The following SHTN1 variants were observed in gnomAD, a reference collection of about 807,000 sequenced individuals.
SHTN1 encodes shootin 1.
SHTN1 carries 42 observed loss-of-function variants against 83.1 expected under a neutral mutation model. The observed-to-expected ratio is 0.51, with a 90% confidence interval of 0.39 to 0.65. SHTN1 has a LOEUF of 0.65. Ranked by LOEUF, SHTN1 falls within the 30% of genes least tolerant of loss-of-function variation. The pLI is 0.00. For synonymous variants in SHTN1, 224 were observed against 247.7 expected (o/e 0.90, Z 0.90); for missense variants, 622 against 737.8 (o/e 0.84, Z 1.82).
At chr10:116,945,093 T>C in intron 7 of SHTN1, 75 bp from the exon 8 acceptor site, 1 of 936,434 alleles carries the variant, frequency 1.1e-6, no homozygotes, top group Admixed American at 2.1e-5. Context: ...TGAAAAACAG[T>C]GTTGAAAAGA....
chr10:116,950,091 G>C (rs191364163), intron 6 of SHTN1, among the ~76,000 whole-genome samples: 28 of 152,274 alleles, frequency 1.8e-4, no homozygotes, highest in Middle Eastern at 3.4e-3. Context: ...CAACCAGAAA[G>C]AGTTACACCA....
upstream of SHTN1, chr10:117,005,379 C>G: frequency 1.7e-6 from 2 of 1,187,954 alleles, no homozygotes; most frequent in African/African-American, 3.3e-5. Flanking sequence ...GCTGCCGGCG[C>G]GGCAGGACGC....
At chr10:117,024,214 AAC>A (rs1852298606) in intron 2 of SHTN1, among the ~76,000 whole-genome samples, 1 of 152,170 alleles carries the variant, frequency 6.6e-6, no homozygotes, top group Non-Finnish European at 1.5e-5. Context: ...AGCATTTCTG[AAC>A]AGAGTTGCCT....
chr10:116,891,642 G>T (rs1343921562), intron 16 of SHTN1, among the ~76,000 whole-genome samples: 1 of 152,106 alleles, frequency 6.6e-6, no homozygotes, highest in African/African-American at 2.4e-5. Context: ...TACAGTTACT[G>T]CAGTGAACAG....
intron 6 of SHTN1, among the ~76,000 whole-genome samples, chr10:116,949,421 T>C (rs1245183304): frequency 1.3e-5 from 2 of 152,110 alleles, no homozygotes; most frequent in Non-Finnish European, 2.9e-5. Context: ...TGAGCCACCA[T>C]ACCCAGCCAT....
At chr10:116,986,609 T>C (rs1589870884) in intron 1 of SHTN1, among the ~76,000 whole-genome samples, 1 of 150,966 alleles carries the variant, frequency 6.6e-6, no homozygotes, top group Non-Finnish European at 1.5e-5. Flanking sequence ...GTTGACAGAG[T>C]GCAGTGGCTC....
intron 1 of SHTN1, among the ~76,000 whole-genome samples, chr10:117,104,048 T>A (rs1254299813): frequency 2.0e-5 from 3 of 152,216 alleles, no homozygotes; most frequent in Non-Finnish European, 4.4e-5. Context: ...ATTTTATAGA[T>A]GGGGAAGCTG....
chr10:117,079,000 T>C (rs866171700), intron 1 of SHTN1, among the ~76,000 whole-genome samples: 1 of 149,538 alleles, frequency 6.7e-6, no homozygotes, highest in Non-Finnish European at 1.5e-5. Flanking sequence ...TTTGTCTTCA[T>C]TAGCTTGGCT....
chr10:117,116,128 G>A (rs560790792), intron 1 of SHTN1, among the ~76,000 whole-genome samples: 1 of 151,806 alleles, frequency 6.6e-6, no homozygotes, highest in African/African-American at 2.4e-5. Context: ...GAAATGAAAA[G>A]TTGGTTTTTT....
chr10:116,982,657 T>C (rs1488636286), intron 1 of SHTN1, among the ~76,000 whole-genome samples: 1 of 152,088 alleles, frequency 6.6e-6, no homozygotes, highest in Non-Finnish European at 1.5e-5. Flanking sequence ...AATTTGCCAA[T>C]GCTAAAGAGA....
At chr10:116,964,888 C>T (rs1223962342) in intron 3 of SHTN1, among the ~76,000 whole-genome samples, 1 of 151,974 alleles carries the variant, frequency 6.6e-6, no homozygotes, top group African/African-American at 2.4e-5. Context: ...ATCACTTGAA[C>T]CCAGGAGGCG....
intron 1 of SHTN1, among the ~76,000 whole-genome samples, chr10:116,983,717 T>C (rs374010223): frequency 6.6e-5 from 10 of 150,438 alleles, no homozygotes; most frequent in Non-Finnish European, 1.3e-4. Flanking sequence ...CATACATACA[T>C]ACATACATGC....
chr10:116,895,351 T>C (rs1312650467), intron 16 of SHTN1, among the ~76,000 whole-genome samples: 1 of 152,234 alleles, frequency 6.6e-6, no homozygotes, highest in East Asian at 1.9e-4. Flanking sequence ...GACAGGCTAA[T>C]TTCTAAAATT....
At position 116,911,782 on chromosome 10, in the gene SHTN1, ATT is replaced by A. The variant is rs1848210909; in HGVS notation, c.1359+6_1359+7del. On this transcript the variant is annotated splice_donor_region_variant and intron_variant, in intron 14 of 16. Coordinates refer to ENST00000355371, the MANE Select transcript of SHTN1 (RefSeq NM_001127211.3). ...TTAGCTAAACAATAAACTGAAATCT[ATT>A]CTTACCAGTATTCCTTTTAGTTCAT... 6.2e-7 allele frequency: 1 copy of A among 1,608,394 alleles called. No homozygotes were observed.
intron 1 of SHTN1, among the ~76,000 whole-genome samples, chr10:117,056,508 C>CATCCATG (rs1184598301): frequency 2.0e-5 from 3 of 152,114 alleles, no homozygotes; most frequent in Non-Finnish European, 4.4e-5. Flanking sequence ...ATCCAATACT[C>CATCCATG]ATCCATGATA....
chr10:117,115,190 C>T (rs1262241195), intron 1 of SHTN1, among the ~76,000 whole-genome samples: 1 of 152,214 alleles, frequency 6.6e-6, no homozygotes. Context: ...GATTCTCTAT[C>T]CAGTATGGGC....
chr10:117,075,462 T>G (rs1853138781), intron 1 of SHTN1, among the ~76,000 whole-genome samples: 2 of 152,216 alleles, frequency 1.3e-5, no homozygotes, highest in African/African-American at 4.8e-5. Flanking sequence ...GGTATTCTGT[T>G]AGACACTGAG....
chr10:116,909,022 T>A (rs1344948452), intron 14 of SHTN1, among the ~76,000 whole-genome samples: 1 of 152,220 alleles, frequency 6.6e-6, no homozygotes, highest in Non-Finnish European at 1.5e-5. Context: ...ATACCAAGAC[T>A]ATTTTAGTTA....
Position 116,936,002 on chromosome 10 carries a change from C to T in SHTN1, c.858+4464G>A, listed in dbSNP as rs373463764. 4.9e-4 allele frequency among the ~76,000 whole-genome samples: 74 copies of T among 152,148 alleles called. No individual in the cohort carries two copies. In the South Asian group the frequency reaches 8.9e-3, roughly 18 times the overall value. ...ATGGTAGTTTGTATTTCTGTGGGAT[C>T]GGTGGTGATCTCCCCCTTTACATTT... On this transcript the variant is annotated intron_variant, in intron 9 of 16. Transcript: ENST00000355371.
Sources: allele counts gnomAD v4.1 joint callset (sites outside exome capture counted in the v4.1 genomes callset), GRCh38; gene constraint gnomAD v4.1.1; transcripts MANE v1.5; gene names NCBI Gene and HGNC (gene_info 2026-07-23, HGNC 2026-07-21).